GAPVD1: variants seen among roughly 807,000 people sequenced by gnomAD.
GAPVD1 encodes the protein GTPase activating protein and VPS9 domains 1.
Under a neutral mutation model 155.5 loss-of-function variants are expected in GAPVD1, and 35 were observed. The observed-to-expected ratio is 0.23, with a 90% CI of 0.17 to 0.30. GAPVD1 has a LOEUF of 0.30. GAPVD1 is among the 10% of genes least tolerant of loss of function. GAPVD1 has a pLI of 1.00. For synonymous variants in GAPVD1, 636 were observed against 619.7 expected, an observed-to-expected ratio of 1.03 and a Z score of -0.39; for missense variants, 1,429 against 1,775.7, an observed-to-expected ratio of 0.80 and a Z score of 3.51.
At chr9:125,352,467 G>A (rs190302173) in intron 23 of GAPVD1, among the ~76,000 whole-genome samples, 20 of 152,334 alleles carry the variant, frequency 1.3e-4, no homozygotes, top group Non-Finnish European at 2.9e-4. Context: ...ACTCTCTGAA[G>A]CCACAGCCTG....
intron 17 of GAPVD1, among the ~76,000 whole-genome samples, chr9:125,339,611 AGT>A (rs1847542372): frequency 6.6e-6 from 1 of 152,166 alleles, no homozygotes; most frequent in African/African-American, 2.4e-5. Context: ...AGAGCTAGGG[AGT>A]GTGTGTGTTA....
intron 9 of GAPVD1, among the ~76,000 whole-genome samples, chr9:125,320,765 A>G (rs1266601702): frequency 6.6e-6 from 1 of 151,962 alleles, no homozygotes; most frequent in Non-Finnish European, 1.5e-5. Context: ...AGCTGGGACT[A>G]CAGGCACCCA....
intron 15 of GAPVD1, chr9:125,335,027 G>C (rs570593960): frequency 4.1e-6 from 2 of 489,322 alleles, no homozygotes; most frequent in African/African-American, 4.0e-5. Context: ...TCATTGATTT[G>C]GTTTCAAATT....
chr9:125,357,143 T>C (rs1441026405), intron 25 of GAPVD1, among the ~76,000 whole-genome samples: 9 of 152,214 alleles, frequency 5.9e-5, no homozygotes, highest in Admixed American at 3.3e-4. Context: ...TAATCACTGG[T>C]TTGTGTGATC....
At chr9:125,337,178 T>TA in intron 16 of GAPVD1, 43 bp from the exon 17 acceptor site, 1 of 1,611,300 alleles carries the variant, frequency 6.2e-7, no homozygotes, top group Non-Finnish European at 8.5e-7. Flanking sequence ...CTTTGTTAGA[T>TA]ATGTTGTGTC....
intron 21 of GAPVD1, among the ~76,000 whole-genome samples, chr9:125,350,037 C>T (rs1849085695): frequency 1.3e-5 from 2 of 152,020 alleles, no homozygotes; most frequent in South Asian, 2.1e-4. Flanking sequence ...TCATGGAACT[C>T]AGTGTATGAA....
At chr9:125,316,017 A>T in intron 9 of GAPVD1, among the ~76,000 whole-genome samples, 1 of 152,126 alleles carries the variant, frequency 6.6e-6, no homozygotes, top group South Asian at 2.1e-4. Flanking sequence ...CCAGGTGTTA[A>T]ATCTGCCAAA....
intron 2 of GAPVD1, chr9:125,269,197 G>A (rs768401589): frequency 6.6e-6 from 1 of 152,060 alleles, no homozygotes; most frequent in Non-Finnish European, 1.5e-5. Flanking sequence ...CTGAGTAGCT[G>A]GGAATACAGG....
chr9:125,263,151 CACCAA>C (rs1376023752), intron 1 of GAPVD1, among the ~76,000 whole-genome samples: 1 of 152,216 alleles, frequency 6.6e-6, no homozygotes, highest in Admixed American at 6.5e-5. Flanking sequence ...CCATAGGCTT[CACCAA>C]ACTGCCAATG....
chr9:125,275,439 A>G (rs1453743544), intron 2 of GAPVD1, among the ~76,000 whole-genome samples: 1 of 152,124 alleles, frequency 6.6e-6, no homozygotes, highest in Admixed American at 6.6e-5. Flanking sequence ...TACTTATTTA[A>G]CTTAATGCCT....
intron 8 of GAPVD1, among the ~76,000 whole-genome samples, chr9:125,311,309 G>C (rs182427833): frequency 2.9e-4 from 44 of 152,192 alleles, no homozygotes; most frequent in African/African-American, 1.0e-3. Context: ...TGCATTTCAG[G>C]GGGGGAAGGT....
intron 14 of GAPVD1, 108 bp from the exon 15 acceptor site, chr9:125,332,402 A>G: frequency 1.2e-6 from 1 of 850,494 alleles, no homozygotes; most frequent in African/African-American, 1.7e-5. Flanking sequence ...CATGTATAGA[A>G]CTGGGACACA....
Position 125,349,448 on chromosome 9 carries a change from C to T in GAPVD1, c.3228C>T (p.Asn1076=). ...HDSPRDEALQ[N]ISADDLPDSA... is the part of the protein sequence containing the mutation. ...CTCCCCGTGACGAAGCACTGCAGAACATCTCGGCTGATGATCTCCCAGACT... is the reference window on the plus strand; with the variant it reads ...CTCCCCGTGACGAAGCACTGCAGAATATCTCGGCTGATGATCTCCCAGACT... Residue 1076 remains asparagine (N), a synonymous_variant, in exon 21 of 28, where the codon AAC becomes AAT. Coordinates refer to ENST00000297933, the MANE Select transcript of GAPVD1 (RefSeq NM_001282680.3). 1 of 1,613,796 alleles carries T rather than the reference C, an allele frequency of 6.2e-7. No homozygotes were observed. Among genetic ancestry groups the T allele is most frequent in the Non-Finnish European group, 8.5e-7 (1 of 1,179,746 alleles).
chr9:125,314,731 A>G (rs970480241), intron 9 of GAPVD1, among the ~76,000 whole-genome samples: 3 of 152,124 alleles, frequency 2.0e-5, no homozygotes, highest in African/African-American at 7.2e-5. Context: ...CTCCCTAAAG[A>G]TAGGAGTCTC....
In GAPVD1 at chr9:125,337,062, C is replaced by T. The variant is rs755304646; in HGVS notation, c.2473C>T (p.Leu825=). 6 of 1,613,068 alleles carry T rather than the reference C, an allele frequency of 3.7e-6. No individual in the cohort carries two copies. Among genetic ancestry groups the T allele is most frequent in the African/African-American group, 1.3e-5 (1 of 74,892 alleles). The change falls in exon 16 of 28, where the codon CTG becomes TTG. Residue 825 remains leucine (L), a synonymous_variant. Coordinates refer to ENST00000297933, the MANE Select transcript of GAPVD1 (RefSeq NM_001282680.3). The part of the protein sequence containing the change: ...TSPPSQSESL[L]AMFDPLSSHE... ...TCCTCCTTCTCAGTCAGAGTCTCTG[C>T]TGGCCATGTTTGATCCACTGTCTTC...
chr9:125,349,335 C>T, intron 20 of GAPVD1, 55 bp from the exon 21 acceptor site: 1 of 1,503,540 alleles, frequency 6.7e-7, no homozygotes, highest in Non-Finnish European at 9.2e-7. Context: ...CTACTAGTGC[C>T]ATAATATTCC....
chr9:125,360,464 A>C (rs1850741567), intron 26 of GAPVD1, 64 bp from the exon 27 acceptor site: 8 of 1,287,764 alleles, frequency 6.2e-6, no homozygotes, highest in South Asian at 2.4e-5. Flanking sequence ...CGGAGGTTGC[A>C]GTAGTCACTG....
intron 8 of GAPVD1, chr9:125,310,118 A>G: frequency 4.2e-6 from 1 of 238,278 alleles, no homozygotes; most frequent in South Asian, 4.8e-5. Flanking sequence ...ATTGCTACAT[A>G]AAATTTGATT....
chr9:125,332,681 A>C, intron 15 of GAPVD1, 52 bp downstream of exon 15: 1 of 1,515,264 alleles, frequency 6.6e-7, no homozygotes, highest in Non-Finnish European at 9.1e-7. Context: ...CCGTGGTTGA[A>C]ACTGGCACTG....
Sources: allele counts gnomAD v4.1 joint callset (sites outside exome capture counted in the v4.1 genomes callset), GRCh38; gene constraint gnomAD v4.1.1; transcripts MANE v1.5; gene names NCBI Gene and HGNC (gene_info 2026-07-23, HGNC 2026-07-21).